Variants in LILRA2 observed in about 807,000 individuals in gnomAD.
LILRA2 encodes leukocyte immunoglobulin like receptor A2, also known as leukocyte immunoglobulin-like receptor subfamily A member 2.
In LILRA2, 45 loss-of-function variants were observed where a neutral mutation model predicts 47.9. The ratio of observed to expected loss-of-function variants is 0.94; its 90% CI spans 0.74 to 1.20. The LOEUF (loss-of-function observed/expected upper bound fraction) is 1.20. Ranked by LOEUF, LILRA2 falls within the 50% of genes most tolerant of loss-of-function variation. The probability of loss-of-function intolerance (pLI) is 0.00; values close to 1 mark genes in which losing one functional copy is unlikely to be tolerated. For synonymous variants in LILRA2, 279 were observed against 249.2 expected (o/e 1.12, Z -1.13); for missense variants, 651 against 598.2 (o/e 1.09, Z -0.92).
chr19:54,575,214 C>T lies in LILRA2; in HGVS notation c.656-42C>T, dbSNP rs767445527. 7 of 1,572,898 alleles carry T rather than the reference C, an allele frequency of 4.5e-6. No homozygotes were observed. In the South Asian group the frequency reaches 8.3e-5, roughly 19 times the overall value. On this transcript the variant is annotated intron_variant, in intron 4 of 7. Coordinates refer to ENST00000391738, the MANE Select transcript of LILRA2 (RefSeq NM_001130917.3). Reference sequence around the variant, plus strand: ...GGGAGAGGGAGGGTTTGTGGGGAAGCCTGAGGGTCGGCTCCTGGAAACCAT... The same window carrying T: ...GGGAGAGGGAGGGTTTGTGGGGAAGTCTGAGGGTCGGCTCCTGGAAACCAT...
Position 54,573,932 on chromosome 19 carries a change from G to C in LILRA2, c.34+20G>C, listed in dbSNP as rs2278190. On this transcript the variant is annotated intron_variant, in intron 1 of 7. Transcript: ENST00000391738. ...GTCTCGGTGAGATTTGAAGAGGGAG[G>C]GGAGCTTCTAACCTAGGAGGGACCT... 2.7e-6 allele frequency: 4 copies of C among 1,477,866 alleles called. No individual in the cohort carries two copies. Among genetic ancestry groups the C allele is most frequent in the Non-Finnish European group, 1.8e-6 (2 of 1,115,514 alleles). The allele number at this position is 1,477,866 out of a possible 1,614,324, so 91.5% of individuals were successfully genotyped here.
intron 6 of LILRA2, among the ~76,000 whole-genome samples, chr19:54,585,803 C>T (rs1157145670): frequency 1.3e-5 from 2 of 152,198 alleles, no homozygotes; most frequent in Non-Finnish European, 2.9e-5. Flanking sequence ...GCTGCAGCCA[C>T]AGTCCAACCA....
At chr19:54,573,585 C>A (rs1037550919), upstream of LILRA2, 16 of 748,332 alleles carry the variant, frequency 2.1e-5, no homozygotes, top group African/African-American at 2.6e-4. Flanking sequence ...GCTGCTACAT[C>A]CCAGGTCTCA....
At chr19:54,580,192 C>CAAAGGGAATACTTCTTTGCCCATTCAATA (rs2062600875) in intron 6 of LILRA2, among the ~76,000 whole-genome samples, 7 of 112,022 alleles carry the variant, frequency 6.2e-5, no homozygotes, top group African/African-American at 2.4e-4. Flanking sequence ...TGCCGGTTTT[C>CAAAGGGAATACTTCTTTGCCCATTCAATA]TTTTCTTTTT....
intron 6 of LILRA2, among the ~76,000 whole-genome samples, chr19:54,577,107 C>T (rs964965078): frequency 7.2e-5 from 11 of 152,256 alleles, no homozygotes; most frequent in African/African-American, 2.7e-4. Flanking sequence ...TTTTACCCAT[C>T]CCTCCTGGAA....
In LILRA2 at chr19:54,587,899, C is replaced by G. The variant is rs1321065139; in HGVS notation, c.*553C>G. On this transcript the variant is annotated 3_prime_UTR_variant, in exon 8 of 8. Coordinates refer to ENST00000391738, the MANE Select transcript of LILRA2 (RefSeq NM_001130917.3). ...TCAGATGCTATCTGTGTAATTTCTC[C>G]TGAAATATCACCACTTGGAATCATC... is the stretch of plus-strand genomic sequence containing the variant. 1.3e-5 allele frequency: 2 copies of G among 154,086 alleles called. No homozygotes were observed. The highest frequency in any genetic ancestry group is 6.4e-5 in the Admixed American group (1 of 15,668). 9.5% of individuals were successfully genotyped at this position (154,086 alleles called of 1,614,324 possible).
chr19:54,582,641 T>C lies in LILRA2; in HGVS notation c.1256-4369T>C, dbSNP rs200027390. ...GTGATATCCCCTTTATCATTTTTCA[T>C]TGCATCTATTTGATTCTTCTCTCTT... On this transcript the variant is annotated intron_variant, in intron 6 of 7. Coordinates refer to ENST00000391738, the MANE Select transcript of LILRA2 (RefSeq NM_001130917.3). Among the ~76,000 whole-genome samples the C allele has an allele frequency of 5.9e-4, 90 of 152,350 alleles. 2 individuals carry two copies. The East Asian group carries it at 0.016, about 27-fold the overall frequency.
At chr19:54,585,254 G>A (rs935484997) in intron 6 of LILRA2, among the ~76,000 whole-genome samples, 1 of 152,224 alleles carries the variant, frequency 6.6e-6, no homozygotes, top group African/African-American at 2.4e-5. Flanking sequence ...CCCACTTGAG[G>A]ATGCAGTCTG....
chr19:54,583,279 G>C (rs2062696753), intron 6 of LILRA2, among the ~76,000 whole-genome samples: 1 of 152,208 alleles, frequency 6.6e-6, no homozygotes, highest in South Asian at 2.1e-4. Context: ...GAGTTCAGTA[G>C]ATGTCTATTA....
intron 6 of LILRA2, among the ~76,000 whole-genome samples, chr19:54,585,114 C>T (rs2062757979): frequency 6.6e-6 from 1 of 152,218 alleles, no homozygotes; most frequent in South Asian, 2.1e-4. Flanking sequence ...GCAGAGGCTG[C>T]AGAACAGCAA....
chr19:54,586,122 G>A (rs1016395613), intron 6 of LILRA2, among the ~76,000 whole-genome samples: 13 of 151,436 alleles, frequency 8.6e-5, no homozygotes, highest in Non-Finnish European at 1.2e-4. Context: ...AAATATTAAC[G>A]TGTATATAAC....
intron 6 of LILRA2, among the ~76,000 whole-genome samples, chr19:54,578,507 T>C (rs2062546095): frequency 6.6e-6 from 1 of 152,242 alleles, no homozygotes; most frequent in Non-Finnish European, 1.5e-5. Flanking sequence ...TGCCACATTT[T>C]CTTAATGCAG....
chr19:54,578,475 A>T (rs1216406904), intron 6 of LILRA2, among the ~76,000 whole-genome samples: 1 of 152,212 alleles, frequency 6.6e-6, no homozygotes, highest in African/African-American at 2.4e-5. Flanking sequence ...TAACGGCTGC[A>T]TAGTATTCCA....
upstream of LILRA2, chr19:54,573,430 G>A (rs531763138): frequency 5.8e-4 from 607 of 1,047,588 alleles, no homozygotes; most frequent in Non-Finnish European, 3.9e-4. Context: ...AGGGACGACC[G>A]CCATGGTAAG....
intron 7 of LILRA2, 69 bp from the exon 8 acceptor site, chr19:54,587,132 C>A: frequency 6.2e-7 from 1 of 1,610,860 alleles, no homozygotes. Context: ...AGGTGGGTGC[C>A]CTGGGTGGAC....
chr19:54,573,433 A>G (rs548264754), upstream of LILRA2: 9 of 1,058,214 alleles, frequency 8.5e-6, no homozygotes, highest in Admixed American at 5.1e-5. Flanking sequence ...GACGACCGCC[A>G]TGGTAAGGAC....
Position 54,574,740 on chromosome 19 carries a change from G to A in LILRA2, c.362G>A (p.Ser121Asn), listed in dbSNP as rs149617492. 8 of 1,613,958 alleles carry A rather than the reference G, an allele frequency of 5.0e-6. No individual in the cohort carries two copies. In the African/African-American group the frequency reaches 9.3e-5, roughly 19 times the overall value. ...CCTCCTTCTCTCCTAGGAGCCTACA[G>A]CAAACCCACCCTCTCAGCTCTGCCC... ...PLELVVTGAYSKPTLSALPSP... is the reference protein window; with the variant it reads ...PLELVVTGAYNKPTLSALPSP... Residue 121 changes from serine to asparagine, a missense_variant, in exon 4 of 8, where the codon AGC (serine) becomes AAC (asparagine). Transcript: ENST00000391738.
Position 54,575,161 on chromosome 19 carries a change from G to T in LILRA2, c.656-95G>T, listed in dbSNP as rs2062356112. 2.6e-6 allele frequency: 4 copies of T among 1,549,726 alleles called. No homozygotes were observed. The South Asian group carries it at 3.7e-5, about 15-fold the overall frequency. On this transcript the variant is annotated intron_variant, in intron 4 of 7. Coordinates refer to ENST00000391738, the MANE Select transcript of LILRA2 (RefSeq NM_001130917.3). ...TGGGGCGAGAGGGCTCAGGGCTCCT[G>T]GGGCCGGAGACACAGGAAGATCAGC...
At position 54,574,780 on chromosome 19, in the gene LILRA2, C is replaced by T; in HGVS notation, c.402C>T (p.Thr134=). Residue 134 remains threonine, a synonymous_variant, in exon 4 of 8, where the codon ACC becomes ACT. Coordinates refer to ENST00000391738, the MANE Select transcript of LILRA2 (RefSeq NM_001130917.3). ...CAGCTCTGCCCAGCCCTGTGGTGAC[C>T]TCAGGAGGGAACGTGACCCTCCAGT... ...TLSALPSPVV[T]SGGNVTLQCV... is the part of the protein sequence containing the mutation. 1 of 1,614,296 alleles carries T rather than the reference C, an allele frequency of 6.2e-7. No homozygotes were observed. The highest frequency in any genetic ancestry group is 8.5e-7 in the Non-Finnish European group (1 of 1,180,054).
Sources: gnomAD v4.1 joint callset for allele counts (sites outside exome capture counted in the v4.1 genomes callset) on GRCh38, gnomAD v4.1.1 for gene constraint, MANE v1.5 for transcripts, NCBI Gene and HGNC (gene_info 2026-07-23, HGNC 2026-07-21) for gene names.